Variants in CD101 observed in about 807,000 individuals in gnomAD.
The protein encoded by CD101 is immunoglobulin superfamily member 2.
In CD101, 76 loss-of-function variants were observed where a neutral mutation model predicts 98.2. The ratio of observed to expected loss-of-function variants is 0.77; its 90% CI spans 0.64 to 0.94. CD101 has a LOEUF of 0.94. Ranked by LOEUF, CD101 falls within the 40% of genes least tolerant of loss-of-function variation. CD101 has a pLI of 0.00. For missense variants in CD101, 1,145 were observed against 1,218.8 expected, an observed-to-expected ratio of 0.94 and a Z score of 0.90; for synonymous variants, 471 against 472.7, an observed-to-expected ratio of 1.00 and a Z score of 0.05.
rs145387761 is a variant in CD101 at position 117,018,209 on chromosome 1, A to G, written c.1666A>G (p.Asn556Asp). 9.8e-4 allele frequency: 1,587 copies of G among 1,612,862 alleles called. No individual in the cohort carries two copies. The highest frequency in any genetic ancestry group is 1.2e-3 in the Non-Finnish European group (1,452 of 1,179,166). ...MSRQPQVMLT[N>D]TFDLSCVVRA... is the part of the protein sequence containing the mutation. ...CCGTCAGCCGCAAGTGATGTTAACCAACACCTTTGACCTGTCCTGTGTCGT... is the reference window on the plus strand; with the variant it reads ...CCGTCAGCCGCAAGTGATGTTAACCGACACCTTTGACCTGTCCTGTGTCGT... The change falls in exon 6 of 10, where the codon AAC becomes GAC. Residue 556 changes from asparagine (N) to aspartate (D), a missense_variant. Coordinates refer to ENST00000682167, the MANE Select transcript of CD101 (RefSeq NM_001256106.3). The surrounding 1 kb of genome is among the most constrained non-coding windows in gnomAD (Gnocchi z 4.3).
At position 117,018,087 on chromosome 1, in the gene CD101, A is replaced by G; in HGVS notation, c.1613-69A>G. The G allele has an allele frequency of 2.2e-6, 3 of 1,392,666 alleles. No individual in the cohort carries two copies. Among genetic ancestry groups the G allele is most frequent in the Non-Finnish European group, 2.9e-6 (3 of 1,039,738 alleles). The allele number at this position is 1,392,666 out of a possible 1,614,324, so 86.3% of individuals were successfully genotyped here. A position where few individuals can be genotyped will look rare whatever the true frequency, so the allele number is the denominator to read the frequency against. On this transcript the variant is annotated intron_variant, in intron 5 of 9. Coordinates refer to ENST00000682167, the MANE Select transcript of CD101 (RefSeq NM_001256106.3). This position sits in a 1 kb window ranked among gnomAD's most constrained non-coding sequence, Gnocchi z 4.3. ...TCCTAGTCAAAGAGGTGGCAACTAG[A>G]AAAACTTGAAAGTGCTATATTTTAA...
intron 8 of CD101, among the ~76,000 whole-genome samples, chr1:117,030,960 A>G (rs1038735422): frequency 2.6e-5 from 4 of 152,206 alleles, no homozygotes; most frequent in African/African-American, 9.7e-5. Context: ...TGCTCTCATT[A>G]CATTTTTGGC....
chr1:117,008,806 C>T (rs548093712), intron 1 of CD101, among the ~76,000 whole-genome samples: 1 of 152,100 alleles, frequency 6.6e-6, no homozygotes, highest in Non-Finnish European at 1.5e-5. Context: ...TACTCATCTT[C>T]GTATGAACTC....
intron 8 of CD101, chr1:117,031,989 A>G (rs1041921234): frequency 6.6e-6 from 1 of 152,170 alleles, no homozygotes; most frequent in African/African-American, 2.4e-5. Flanking sequence ...CGGGCCTTCA[A>G]ATGTACTCAG....
At chr1:117,025,179 A>G (rs1284627533) in intron 7 of CD101, among the ~76,000 whole-genome samples, 5 of 152,148 alleles carry the variant, frequency 3.3e-5, no homozygotes, top group African/African-American at 1.2e-4. Flanking sequence ...TCTGGCCAAC[A>G]TGGTGAAACC....
Position 117,021,644 on chromosome 1 carries a change from TG to T in CD101, c.2090del (p.Cys697LeufsTer13), listed in dbSNP as rs1190567057. ...CATCAACTCCAACACTGATATAGAA[TG>T]TAGCATCTTGTCCCGGTCCAATGGA... ...LSINSNTDIE[C>X]SILSRSNGNL... On this transcript the variant is annotated frameshift_variant, in exon 7 of 10. Transcript: ENST00000682167. LOFTEE classifies it high-confidence loss of function. This position sits in a 1 kb window ranked among gnomAD's most constrained non-coding sequence, Gnocchi z 4.7. 6.2e-7 allele frequency: 1 copy of T among 1,613,772 alleles called. No individual in the cohort carries two copies. Among genetic ancestry groups the T allele is most frequent in the Non-Finnish European group, 8.5e-7 (1 of 1,179,876 alleles).
rs1570734640 is a variant in CD101 at position 117,023,541 on chromosome 1, A to G, written c.2428+1558A>G. ...AAGCAATTCTCCTGCCTCAGCCTCC[A>G]GAGTAGCTGGGACTACAGGTGTGTG... On this transcript the variant is annotated intron_variant, in intron 7 of 9. Transcript: ENST00000682167. The surrounding 1 kb of genome is among the most constrained non-coding windows in gnomAD (Gnocchi z 4.4). Among the ~76,000 whole-genome samples, 2 of 151,794 alleles carry G rather than the reference A, an allele frequency of 1.3e-5. No individual in the cohort carries two copies. Among genetic ancestry groups the G allele is most frequent in the Admixed American group, 6.6e-5 (1 of 15,242 alleles).
In CD101 at chr1:117,007,260, C is replaced by T. The variant is rs182484916; in HGVS notation, c.44-2590C>T. Among the ~76,000 whole-genome samples the T allele has an allele frequency of 2.1e-4, 32 of 152,144 alleles. No individual in the cohort carries two copies. In the East Asian group the frequency reaches 6.0e-3, roughly 28 times the overall value. On this transcript the variant is annotated intron_variant, in intron 1 of 9. Transcript: ENST00000682167. Reference sequence around the variant, plus strand: ...GTCAAGAAATAGAATATCGCCAAGACCCTAGAAGCACCCACCCAGCCCGCA... The same window carrying T: ...GTCAAGAAATAGAATATCGCCAAGATCCTAGAAGCACCCACCCAGCCCGCA...
chr1:117,007,991 C>T (rs1041205337), intron 1 of CD101, among the ~76,000 whole-genome samples: 7 of 152,146 alleles, frequency 4.6e-5, no homozygotes, highest in African/African-American at 1.7e-4. Flanking sequence ...GCACACATTT[C>T]TCTAAGACGA....
chr1:117,029,088 G>A (rs1478930692), intron 8 of CD101, among the ~76,000 whole-genome samples: 1 of 147,548 alleles, frequency 6.8e-6, no homozygotes, highest in Admixed American at 6.9e-5. Flanking sequence ...AGGAAGGAAG[G>A]TAGGTTAATA....
At position 117,017,600 on chromosome 1, in the gene CD101, C is replaced by A. The variant is rs754648312; in HGVS notation, c.1612+127C>A. 1.6e-4 allele frequency: 143 copies of A among 877,848 alleles called. 1 individual carries two copies. In the Middle Eastern group the frequency reaches 1.8e-3, roughly 11 times the overall value. The allele number at this position is 877,848 out of a possible 1,614,324, so 54.4% of individuals were successfully genotyped here. A position where few individuals can be genotyped will look rare whatever the true frequency, so the allele number is the denominator to read the frequency against. On this transcript the variant is annotated intron_variant, in intron 5 of 9. Coordinates refer to ENST00000682167, the MANE Select transcript of CD101 (RefSeq NM_001256106.3). The stretch of plus-strand genomic sequence containing the variant: ...GTGTACCCTAGGACACAGAGCTAGT[C>A]TCTGGCTACCCTCTCTGTCAATTAA...
rs1488470602 is a variant in CD101 at position 117,006,466 on chromosome 1, C to T, written c.44-3384C>T. ...TTTAAATGTGATAGTCAAGTCCTTT[C>T]TGCTCTGGACCCAAAAATTGCTGTC... On this transcript the variant is annotated intron_variant, in intron 1 of 9. Coordinates refer to ENST00000682167, the MANE Select transcript of CD101 (RefSeq NM_001256106.3). The surrounding 1 kb of genome is among the most constrained non-coding windows in gnomAD (Gnocchi z 4.4). 2.0e-5 allele frequency among the ~76,000 whole-genome samples: 3 copies of T among 152,202 alleles called. No homozygotes were observed. The highest frequency in any genetic ancestry group is 1.5e-5 in the Non-Finnish European group (1 of 68,044).
chr1:117,025,917 T>G lies in CD101; in HGVS notation c.2824+13T>G. The G allele has an allele frequency of 6.3e-7, 1 of 1,593,436 alleles. No individual in the cohort carries two copies. The highest frequency in any genetic ancestry group is 8.6e-7 in the Non-Finnish European group (1 of 1,165,828). ...GTGCTGCCTTCAGGTAACCAGGGGT[T>G]TATCTACCGCGAGCTCATGGTCAGG... On this transcript the variant is annotated intron_variant, in intron 8 of 9. Coordinates refer to ENST00000682167, the MANE Select transcript of CD101 (RefSeq NM_001256106.3).
chr1:117,030,792 G>T (rs901245106), intron 8 of CD101, among the ~76,000 whole-genome samples: 1 of 152,236 alleles, frequency 6.6e-6, no homozygotes, highest in Non-Finnish European at 1.5e-5. Flanking sequence ...CTGCATGTTT[G>T]GGGTTGGGTA....
intron 4 of CD101, 129 bp from the exon 5 acceptor site, chr1:117,016,961 C>G: frequency 1.1e-6 from 1 of 949,746 alleles, no homozygotes; most frequent in African/African-American, 1.7e-5. Context: ...GAGGGTGGTG[C>G]AAGAGGAAAC....
chr1:117,028,000 G>T (rs377206137), intron 8 of CD101, among the ~76,000 whole-genome samples: 1 of 152,086 alleles, frequency 6.6e-6, no homozygotes, highest in Non-Finnish European at 1.5e-5. Context: ...CAGGAGAATC[G>T]CTTGAACCCA....
chr1:117,029,314 GAAGA>G (rs200543553), intron 8 of CD101, among the ~76,000 whole-genome samples: 6,037 of 149,000 alleles, frequency 0.041, 269 homozygotes, highest in Middle Eastern at 0.11. Flanking sequence ...AAGAAAGAAA[GAAGA>G]AAGAAAGAAA....
In CD101 at chr1:117,006,706, A is replaced by G. The variant is rs568650978; in HGVS notation, c.44-3144A>G. 6.6e-6 allele frequency among the ~76,000 whole-genome samples: 1 copy of G among 151,614 alleles called. No individual in the cohort carries two copies. Among genetic ancestry groups the G allele is most frequent in the South Asian group, 2.1e-4 (1 of 4,800 alleles). On this transcript the variant is annotated intron_variant, in intron 1 of 9. Coordinates refer to ENST00000682167, the MANE Select transcript of CD101 (RefSeq NM_001256106.3). This position sits in a 1 kb window ranked among gnomAD's most constrained non-coding sequence, Gnocchi z 4.4. ...TCTCTTATGCCATCTCCATAAACCT[A>G]TTTCCCTCCCCTCAAAATGTAGTCC...
rs1202969480 is a variant in CD101, at chr1:117,010,920, C to T, written c.425-630C>T. The stretch of plus-strand genomic sequence containing the variant: ...GTATGCCTCTTTCCCACCACATCCT[C>T]AGCTTCTACTCAGTGGCTAGCACCG... On this transcript the variant is annotated intron_variant, in intron 2 of 9. Transcript: ENST00000682167. This position sits in a 1 kb window ranked among gnomAD's most constrained non-coding sequence, Gnocchi z 5.2. Among the ~76,000 whole-genome samples the T allele has an allele frequency of 6.6e-6, 1 of 152,194 alleles. No homozygotes were observed.
Sources: gnomAD v4.1 joint callset for allele counts (sites outside exome capture counted in the v4.1 genomes callset) on GRCh38, gnomAD v4.1.1 for gene constraint, Gnocchi (gnomAD v3.1) non-coding constraint, MANE v1.5 for transcripts, NCBI Gene and HGNC (gene_info 2026-07-23, HGNC 2026-07-21) for gene names.